The following NUCB1 variants were observed in gnomAD, a reference collection of about 807,000 sequenced individuals.
NUCB1 encodes nucleobindin 1, also known as nucleobindin-1.
Under a neutral mutation model 61.2 loss-of-function variants are expected in NUCB1, and 47 were observed. The observed-to-expected ratio is 0.77, with a 90% confidence interval of 0.61 to 0.98. The LOEUF (loss-of-function observed/expected upper bound fraction) is 0.98. Among genes scored for constraint, NUCB1 ranks in the 50% least tolerant of loss-of-function variants. The pLI is 0.00. For synonymous variants in NUCB1, 234 were observed against 243.1 expected (o/e 0.96, Z 0.35); for missense variants, 583 against 605.3 (o/e 0.96, Z 0.39).
intron 7 of NUCB1, among the ~76,000 whole-genome samples, chr19:48,914,174 C>T (rs1312762723): frequency 6.6e-6 from 1 of 152,002 alleles, no homozygotes; most frequent in Non-Finnish European, 1.5e-5. Flanking sequence ...TGGGGTTTCA[C>T]CATGTTGGCC....
rs1019146342 is a variant in NUCB1 at position 48,913,530 on chromosome 19, C to A, written c.723C>A (p.Asn241Lys). ...AGGAGCTGGATGGACTGGACCCCAA[C>A]AGGTTTAACCCCAAGACCTTCTTCA... ...VWEELDGLDP[N>K]RFNPKTFFIL... The change falls in exon 7 of 13, where the codon AAC becomes AAA. Residue 241 changes from asparagine to lysine, a missense_variant. By Grantham distance (94) the Asn-to-Lys change is moderately conservative (BLOSUM62 0). Transcript: ENST00000405315. 2 of 1,614,196 alleles carry A rather than the reference C, an allele frequency of 1.2e-6. No homozygotes were observed. The highest frequency in any genetic ancestry group is 1.7e-6 in the Non-Finnish European group (2 of 1,180,024).
At chr19:48,920,270 A>G (rs116344951) in intron 10 of NUCB1, among the ~76,000 whole-genome samples, 2,966 of 152,138 alleles carry the variant, frequency 0.019, 73 homozygotes, top group African/African-American at 0.068. Flanking sequence ...GAGCCTCCCT[A>G]TTAGCTGGGA....
intron 10 of NUCB1, 114 bp from the exon 11 acceptor site, chr19:48,921,040 A>G (rs1295216131): frequency 2.5e-6 from 3 of 1,184,828 alleles, no homozygotes; most frequent in East Asian, 2.5e-5. Flanking sequence ...GCCCACCCAC[A>G]TGGCCCTGGC....
At chr19:48,914,629 T>G (rs1334522543) in intron 7 of NUCB1, among the ~76,000 whole-genome samples, 1 of 152,082 alleles carries the variant, frequency 6.6e-6, no homozygotes, top group Non-Finnish European at 1.5e-5. Context: ...AGCTGCCAAT[T>G]AAATTAACGT....
chr19:48,921,757 G>A lies in NUCB1; in HGVS notation c.1174-70G>A, dbSNP rs2037611888. The A allele has an allele frequency of 4.1e-6, 6 of 1,454,922 alleles. No homozygotes were observed. In the Admixed American group the frequency reaches 5.0e-5, roughly 12 times the overall value. 90.1% of individuals were successfully genotyped at this position (1,454,922 alleles called of 1,614,324 possible). A position where few individuals can be genotyped will look rare whatever the true frequency, so the allele number is the denominator to read the frequency against. ...GGCTGCTGTGAAGTCTCCGTTTGGG[G>A]ACTGAGGCCTGAGCACTTGCAATGC... On this transcript the variant is annotated intron_variant, in intron 11 of 12. Transcript: ENST00000405315.
At position 48,921,701 on chromosome 19, in the gene NUCB1, C is replaced by T. The variant is rs150713633; in HGVS notation, c.1174-126C>T. ...AATGAAAGAGAGAAACTGAGGCCCA[C>T]GGAGAAGGGGTTGGCCGTGACCACT... On this transcript the variant is annotated intron_variant, in intron 11 of 12. Transcript: ENST00000405315. 2.1e-4 allele frequency: 182 copies of T among 846,622 alleles called. 1 individual carries two copies. In the South Asian group the frequency reaches 2.2e-3, roughly 10 times the overall value. 52.4% of individuals were successfully genotyped at this position (846,622 alleles called of 1,614,324 possible). A position where few individuals can be genotyped will look rare whatever the true frequency, so the allele number is the denominator to read the frequency against.
Position 48,921,937 on chromosome 19 carries a change from T to C in NUCB1, c.1279+5T>C. 6.3e-7 allele frequency: 1 copy of C among 1,585,568 alleles called. No individual in the cohort carries two copies. The highest frequency in any genetic ancestry group is 8.6e-7 in the Non-Finnish European group (1 of 1,165,684). ...TCAAGTTCCACCCAGACACAGGTGC[T>C]GGCCCTAGTCCAGGGAGGAGGGGCT... On this transcript the variant is annotated splice_donor_5th_base_variant and intron_variant, in intron 12 of 12. Transcript: ENST00000405315.
intron 7 of NUCB1, among the ~76,000 whole-genome samples, chr19:48,917,504 T>C (rs1365664667): frequency 6.6e-6 from 1 of 151,816 alleles, no homozygotes; most frequent in African/African-American, 2.4e-5. Flanking sequence ...TTAAATTTTT[T>C]TTTTCTTTTT....
Position 48,905,835 on chromosome 19 carries a change from C to T in NUCB1, c.326C>T (p.Ser109Leu), listed in dbSNP as rs775974718. Residue 109 changes from serine (S) to leucine (L), a missense_variant, in exon 4 of 13, where the codon TCA becomes TTA. Transcript: ENST00000405315. ...KLDELKRQEV[S>L]RLRMLLKAKM... Reference sequence around the variant, plus strand: ...GATGAGCTCAAGCGACAGGAGGTGTCACGGCTGCGGATGCTGCTCAAGGCC... The same window carrying T: ...GATGAGCTCAAGCGACAGGAGGTGTTACGGCTGCGGATGCTGCTCAAGGCC... 2.4e-5 allele frequency: 38 copies of T among 1,613,046 alleles called. No individual in the cohort carries two copies. In the Admixed American group the frequency reaches 5.7e-4, roughly 24 times the overall value.
chr19:48,922,461 C>G lies in NUCB1; in HGVS notation c.*37C>G, dbSNP rs774097374. On this transcript the variant is annotated 3_prime_UTR_variant, in exon 13 of 13. Coordinates refer to ENST00000405315, the MANE Select transcript of NUCB1 (RefSeq NM_006184.6). The stretch of plus-strand genomic sequence containing the variant: ...CCCAGCCCTCAGGATTCCTGATGCT[C>G]CAAGGCGACTGATGGGCGCTGGATG... The G allele has an allele frequency of 6.6e-7, 1 of 1,518,982 alleles. No individual in the cohort carries two copies. Among genetic ancestry groups the G allele is most frequent in the South Asian group, 1.1e-5 (1 of 89,100 alleles). The allele number at this position is 1,518,982 out of a possible 1,614,324, so 94.1% of individuals were successfully genotyped here.
intron 8 of NUCB1, 120 bp from the exon 9 acceptor site, chr19:48,918,910 G>A: frequency 7.5e-7 from 1 of 1,334,754 alleles, no homozygotes; most frequent in Non-Finnish European, 1.1e-6. Flanking sequence ...ATCAGCCCCT[G>A]GGGCAAAAAC....
At chr19:48,909,821 C>T (rs979772997) in intron 4 of NUCB1, among the ~76,000 whole-genome samples, 2 of 152,024 alleles carry the variant, frequency 1.3e-5, no homozygotes, top group Admixed American at 6.6e-5. Context: ...GGATTACAGG[C>T]ATGAGCCACT....
At chr19:48,913,268 A>G in intron 6 of NUCB1, 72 bp downstream of exon 6, 1 of 1,480,904 alleles carries the variant, frequency 6.8e-7, no homozygotes, top group Non-Finnish European at 9.1e-7. Flanking sequence ...AAGCAGTTAA[A>G]GAACTACAAT....
intron 2 of NUCB1, among the ~76,000 whole-genome samples, chr19:48,903,380 A>T (rs1261121324): frequency 1.2e-5 from 1 of 84,198 alleles, no homozygotes; most frequent in East Asian, 2.5e-4. Flanking sequence ...GCGGGTGGGT[A>T]GATGGATGGG....
intron 10 of NUCB1, 85 bp from the exon 11 acceptor site, chr19:48,921,069 C>T (rs993469693): frequency 6.2e-6 from 9 of 1,446,452 alleles, no homozygotes; most frequent in African/African-American, 4.3e-5. Context: ...CTCCTCTACA[C>T]CTCCCCCATT....
rs149929146 is a variant in NUCB1 at position 48,916,439 on chromosome 19, A to G, written c.758-2287A>G. Reference sequence around the variant, plus strand: ...TCAAGGCCAGCCTGGGCAACATGGCACAAACCCATCTCTACAAATAAAATA... The same window carrying G: ...TCAAGGCCAGCCTGGGCAACATGGCGCAAACCCATCTCTACAAATAAAATA... On this transcript the variant is annotated intron_variant, in intron 7 of 12. Coordinates refer to ENST00000405315, the MANE Select transcript of NUCB1 (RefSeq NM_006184.6). 8.9e-3 allele frequency among the ~76,000 whole-genome samples: 1,349 copies of G among 151,930 alleles called. 16 individuals are homozygous for G. Among genetic ancestry groups the G allele is most frequent in the Non-Finnish European group, 0.013 (886 of 67,960 alleles).
chr19:48,914,947 G>A (rs576086153), intron 7 of NUCB1, among the ~76,000 whole-genome samples: 1 of 152,052 alleles, frequency 6.6e-6, no homozygotes, highest in African/African-American at 2.4e-5. Context: ...GGGCATGATC[G>A]TGAGTGCCTG....
intron 4 of NUCB1, among the ~76,000 whole-genome samples, chr19:48,910,374 C>A (rs1203836621): frequency 6.0e-5 from 1 of 16,564 alleles, no homozygotes; most frequent in Non-Finnish European, 1.1e-4. Context: ...CCGCACCCAG[C>A]CTTGTTTGTT....
At chr19:48,908,943 C>G (rs1411432927) in intron 4 of NUCB1, among the ~76,000 whole-genome samples, 1 of 152,058 alleles carries the variant, frequency 6.6e-6, no homozygotes, top group Non-Finnish European at 1.5e-5. Flanking sequence ...CCCTTCCTGA[C>G]TACTTGGAAA....
Sources: allele counts gnomAD v4.1 joint callset (sites outside exome capture counted in the v4.1 genomes callset), GRCh38; gene constraint gnomAD v4.1.1; transcripts MANE v1.5; gene names NCBI Gene and HGNC (gene_info 2026-07-23, HGNC 2026-07-21).